Variants in GLI2 observed in about 807,000 individuals in gnomAD.
GLI2 encodes the protein transcription activator GLI2.
A neutral mutation model predicts 78.9 loss-of-function variants in GLI2; 22 were observed. The ratio of observed to expected loss-of-function variants is 0.28; its 90% CI spans 0.20 to 0.40. The LOEUF is 0.40. GLI2 is among the 10% of genes least tolerant of loss of function. GLI2 has a pLI of 1.00. For missense variants in GLI2, 2,097 were observed against 2,213.2 expected (o/e 0.95, Z 1.05); for synonymous variants, 974 against 963.7 (o/e 1.01, Z -0.20).
intron 2 of GLI2, among the ~76,000 whole-genome samples, chr2:120,925,251 A>T (rs1679607015): frequency 6.6e-6 from 1 of 152,170 alleles, no homozygotes; most frequent in African/African-American, 2.4e-5. Context: ...GGGGAAACTG[A>T]TTGAATCAGG....
rs867805059 is a variant in GLI2 at position 120,753,093 on chromosome 2, A to T, written c.-31+16808A>T. ...GTGGGTGTTTTTTTTTTCTGTACGT[A>T]TTTTTTTTTTTTTTTTTTTGAGACA... On this transcript the variant is annotated intron_variant, in intron 1 of 13. Coordinates refer to ENST00000361492, the MANE Select transcript of GLI2 (RefSeq NM_001374353.1). 5.1e-3 allele frequency among the ~76,000 whole-genome samples: 574 copies of T among 111,748 alleles called. 5 individuals are homozygous for T. The highest frequency in any genetic ancestry group is 0.017 in the African/African-American group (490 of 29,346). 73.3% of individuals were successfully genotyped at this position (111,748 alleles called of 152,430 possible). A position where few individuals can be genotyped will look rare whatever the true frequency, so the allele number is the denominator to read the frequency against.
intron 1 of GLI2, among the ~76,000 whole-genome samples, chr2:120,755,575 G>C (rs1278464551): frequency 1.3e-5 from 2 of 151,924 alleles, no homozygotes; most frequent in Admixed American, 6.6e-5. Context: ...TAGACTAAAG[G>C]ATTTTAGTTT....
intron 3 of GLI2, among the ~76,000 whole-genome samples, chr2:120,942,862 TTTCATTCATTCA>T (rs548470143): frequency 3.0e-4 from 3 of 9,898 alleles, no homozygotes; most frequent in African/African-American, 3.2e-4. Flanking sequence ...TCACGCCCTC[TTTCATTCATTCA>T]TTCATTCATT....
intron 3 of GLI2, among the ~76,000 whole-genome samples, chr2:120,933,745 CTT>C (rs1331580055): frequency 1.3e-5 from 2 of 152,060 alleles, no homozygotes; most frequent in Non-Finnish European, 2.9e-5. Context: ...CCAGCGTTAA[CTT>C]GTGTCCTGGA....
At chr2:120,881,644 G>A (rs1326596613) in intron 2 of GLI2, among the ~76,000 whole-genome samples, 21 of 76,948 alleles carry the variant, frequency 2.7e-4, no homozygotes, top group Non-Finnish European at 2.5e-5. Flanking sequence ...AGTGCAAGGA[G>A]GGCAGTTTGG....
At chr2:120,765,352 T>C (rs1051696319) in intron 1 of GLI2, among the ~76,000 whole-genome samples, 3 of 152,258 alleles carry the variant, frequency 2.0e-5, no homozygotes, top group African/African-American at 7.2e-5. Flanking sequence ...TGGCTGACTT[T>C]GGTGGTGGCC....
chr2:120,852,160 C>T (rs1420475828), intron 2 of GLI2, among the ~76,000 whole-genome samples: 1 of 152,186 alleles, frequency 6.6e-6, no homozygotes, highest in Non-Finnish European at 1.5e-5. Context: ...ACCCAGATGG[C>T]ATTCGCCTGT....
intron 3 of GLI2, among the ~76,000 whole-genome samples, chr2:120,932,748 G>A (rs892618148): frequency 2.2e-4 from 33 of 152,202 alleles, no homozygotes; most frequent in African/African-American, 7.5e-4. Context: ...AGCAACAATC[G>A]TGATCATTGT....
At chr2:120,856,009 C>T (rs1687627179) in intron 2 of GLI2, among the ~76,000 whole-genome samples, 2 of 152,180 alleles carry the variant, frequency 1.3e-5, no homozygotes, top group South Asian at 4.1e-4. Flanking sequence ...TATCTCGTGC[C>T]ATCTTGATAA....
At chr2:120,777,402 G>A (rs1683713279) in intron 1 of GLI2, among the ~76,000 whole-genome samples, 1 of 152,178 alleles carries the variant, frequency 6.6e-6, no homozygotes, top group Non-Finnish European at 1.5e-5. Flanking sequence ...CAGGGAGGTG[G>A]TGGCACCAGT....
chr2:120,962,601 G>A (rs978164457), intron 5 of GLI2, among the ~76,000 whole-genome samples: 7 of 152,188 alleles, frequency 4.6e-5, no homozygotes, highest in South Asian at 4.1e-4. Context: ...GTGGCCGACC[G>A]GCATTAAAAC....
intron 13 of GLI2, among the ~76,000 whole-genome samples, chr2:120,987,938 A>C (rs1683055260): frequency 6.6e-6 from 1 of 152,086 alleles, no homozygotes; most frequent in Non-Finnish European, 1.5e-5. Flanking sequence ...TTAATTGAAA[A>C]ACCATCTGCT....
At chr2:120,935,858 C>T (rs149068546) in intron 3 of GLI2, among the ~76,000 whole-genome samples, 3 of 152,296 alleles carry the variant, frequency 2.0e-5, no homozygotes, top group East Asian at 1.9e-4. Flanking sequence ...TGTGATAAGA[C>T]GGGCTGGTCT....
chr2:120,777,414 CCT>C (rs1299432021), intron 1 of GLI2, among the ~76,000 whole-genome samples: 2 of 151,898 alleles, frequency 1.3e-5, no homozygotes, highest in Non-Finnish European at 2.9e-5. Context: ...GGCACCAGTC[CCT>C]GTTTCCAGTG....
chr2:120,778,494 A>T (rs906310973), intron 1 of GLI2, among the ~76,000 whole-genome samples: 4 of 152,134 alleles, frequency 2.6e-5, no homozygotes, highest in African/African-American at 9.7e-5. Context: ...GTGGCGCAGG[A>T]CTGTGTGGCG....
intron 2 of GLI2, among the ~76,000 whole-genome samples, chr2:120,849,410 A>G (rs1324614757): frequency 6.6e-6 from 1 of 152,208 alleles, no homozygotes; most frequent in African/African-American, 2.4e-5. Flanking sequence ...TAGAATGACT[A>G]GAATCCAGGT....
chr2:120,923,672 A>C (rs1188468788), intron 2 of GLI2, among the ~76,000 whole-genome samples: 1 of 152,140 alleles, frequency 6.6e-6, no homozygotes, highest in African/African-American at 2.4e-5. Context: ...ACACATGCGC[A>C]TATAGCGATA....
At chr2:120,912,766 A>G (rs900894713) in intron 2 of GLI2, among the ~76,000 whole-genome samples, 4 of 151,750 alleles carry the variant, frequency 2.6e-5, no homozygotes, top group Non-Finnish European at 2.9e-5. Context: ...GAGTCCACAC[A>G]CCCACTCCCG....
intron 1 of GLI2, among the ~76,000 whole-genome samples, chr2:120,791,251 T>C (rs994594492): frequency 6.6e-6 from 1 of 152,110 alleles, no homozygotes; most frequent in East Asian, 1.9e-4. Context: ...GGAGTGAGTG[T>C]AAATTTGTCT....
Sources: gnomAD v4.1 joint callset for allele counts (sites outside exome capture counted in the v4.1 genomes callset) on GRCh38, gnomAD v4.1.1 for gene constraint, MANE v1.5 for transcripts, NCBI Gene and HGNC (gene_info 2026-07-23, HGNC 2026-07-21) for gene names.